Variants in SYNE1 observed in about 807,000 individuals in gnomAD.
The protein encoded by SYNE1 is nesprin-1.
In SYNE1, 616 loss-of-function variants were observed where a neutral mutation model predicts 1,111.0. That is an observed-to-expected ratio of 0.55 (90% confidence interval 0.52 to 0.59). The LOEUF (loss-of-function observed/expected upper bound fraction) is 0.59, where lower values mean the gene tolerates loss of function less well. Ranked by LOEUF, SYNE1 falls within the 20% of genes least tolerant of loss-of-function variation. The pLI is 0.00. For missense variants in SYNE1, 10,006 were observed against 10,417.0 expected, an observed-to-expected ratio of 0.96 and a Z score of 1.72; for synonymous variants, 3,855 against 3,825.8, an observed-to-expected ratio of 1.01 and a Z score of -0.28.
intron 131 of SYNE1, among the ~76,000 whole-genome samples, chr6:152,161,888 G>C (rs1283645093): frequency 6.6e-6 from 1 of 152,138 alleles, no homozygotes; most frequent in African/African-American, 2.4e-5. Flanking sequence ...TGTAAGCCTG[G>C]GTACTGACAT....
At chr6:152,438,212 A>G (rs937908491) in intron 32 of SYNE1, among the ~76,000 whole-genome samples, 1 of 152,216 alleles carries the variant, frequency 6.6e-6, no homozygotes, top group African/African-American at 2.4e-5. Context: ...GGTAGATTCA[A>G]TTGTGGAGAT....
intron 128 of SYNE1, among the ~76,000 whole-genome samples, chr6:152,188,408 T>C (rs2070881572): frequency 6.6e-6 from 1 of 152,132 alleles, no homozygotes; most frequent in South Asian, 2.1e-4. Context: ...TCAAAGTCAA[T>C]CTGGGATATT....
At chr6:152,556,310 A>G (rs1185513497) in intron 3 of SYNE1, among the ~76,000 whole-genome samples, 1 of 152,216 alleles carries the variant, frequency 6.6e-6, no homozygotes, top group Non-Finnish European at 1.5e-5. Context: ...CCTGTACTGC[A>G]TACCATGGAG....
At position 152,323,579 on chromosome 6, in the gene SYNE1, C is replaced by A. The variant is rs762050069; in HGVS notation, c.15816G>T (p.Arg5272=). The A allele has an allele frequency of 5.1e-5, 82 of 1,614,240 alleles. No individual in the cohort carries two copies. The South Asian group carries it at 9.0e-4, about 18-fold the overall frequency. The part of the protein sequence containing the change: ...EQQQSALGML[R]QQTLSMLQDG... Reference sequence around the variant, plus strand: ...CCTGGAGCATGCTCAGGGTTTGCTGCCGCAGCATGCCCAAGGCCGACTGCT... The same window carrying A: ...CCTGGAGCATGCTCAGGGTTTGCTGACGCAGCATGCCCAAGGCCGACTGCT... The change falls in exon 82 of 146, where the codon CGG becomes CGT. Residue 5272 remains arginine (R), a synonymous_variant. Transcript: ENST00000367255.
intron 52 of SYNE1, 67 bp downstream of exon 52, chr6:152,391,210 A>G: frequency 6.2e-7 from 1 of 1,605,498 alleles, no homozygotes. Context: ...GACACAACAC[A>G]AGCACTTGTG....
intron 119 of SYNE1, among the ~76,000 whole-genome samples, chr6:152,219,525 T>C (rs1052959341): frequency 6.8e-6 from 1 of 146,316 alleles, no homozygotes; most frequent in African/African-American, 2.5e-5. Context: ...GACCCAAGAG[T>C]AGAGCCAATA....
At chr6:152,242,903 G>GA (rs1181835123) in intron 106 of SYNE1, among the ~76,000 whole-genome samples, 2 of 151,918 alleles carry the variant, frequency 1.3e-5, no homozygotes, top group African/African-American at 4.8e-5. Flanking sequence ...ACTCTTTGAA[G>GA]AAAAATAAAG....
chr6:152,549,371 T>C (rs570271606), intron 3 of SYNE1, among the ~76,000 whole-genome samples: 2 of 152,360 alleles, frequency 1.3e-5, no homozygotes, highest in African/African-American at 4.8e-5. Context: ...TGAATTCTGA[T>C]TGGCTTAAGC....
At chr6:152,631,391 G>A (rs1377079275) in intron 2 of SYNE1, among the ~76,000 whole-genome samples, 2 of 152,186 alleles carry the variant, frequency 1.3e-5, no homozygotes, top group African/African-American at 2.4e-5. Context: ...AGAGGGCGGA[G>A]AGTGAGGTGG....
At chr6:152,534,884 A>G (rs2099226546) in intron 4 of SYNE1, among the ~76,000 whole-genome samples, 1 of 152,240 alleles carries the variant, frequency 6.6e-6, no homozygotes, top group Non-Finnish European at 1.5e-5. Flanking sequence ...TGTTTTTAGA[A>G]AAAACATGGA....
At position 152,214,999 on chromosome 6, in the gene SYNE1, T is replaced by G; in HGVS notation, c.22253A>C (p.Tyr7418Ser). The G allele has an allele frequency of 1.2e-6, 2 of 1,614,178 alleles. No individual in the cohort carries two copies. Among genetic ancestry groups the G allele is most frequent in the Non-Finnish European group, 1.7e-6 (2 of 1,180,008 alleles). ...TTCCTTATCATTCAAGGGTAACCTA[T>G]ATCCAAGCTCATTTAGACGGTCTAA... Reference protein sequence around the residue: ...PDLDRLNELGYRLPLNDKEIK... With the variant: ...PDLDRLNELGSRLPLNDKEIK... Residue 7418 changes from tyrosine (Y) to serine (S), a missense_variant, in exon 122 of 146, where the codon TAT (tyrosine) becomes TCT (serine). Tyr to Ser is a moderately radical substitution (Grantham distance 144, BLOSUM62 -2). Around this residue, in one of 7 missense-constraint regions of SYNE1, gnomAD observed 2,182 missense variants for 2,287.8 expected, o/e 0.95. Transcript: ENST00000367255.
chr6:152,430,335 A>G (rs1275281694), intron 35 of SYNE1, 125 bp from the exon 36 acceptor site: 1 of 1,128,960 alleles, frequency 8.9e-7, no homozygotes, highest in East Asian at 2.5e-5. Flanking sequence ...TATAAAATGC[A>G]TTCTTTAAAC....
At chr6:152,301,844 C>A in intron 92 of SYNE1, 25 bp downstream of exon 92, 1 of 1,588,942 alleles carries the variant, frequency 6.3e-7, no homozygotes, top group Non-Finnish European at 8.6e-7. Context: ...AAGAGCAAAG[C>A]CGCGGGGACC....
rs376775595 is a variant in SYNE1, at chr6:152,462,693, C to G, written c.2250+45G>C. The G allele has an allele frequency of 1.4e-5, 22 of 1,612,542 alleles. No homozygotes were observed. The African/African-American group carries it at 2.7e-4, about 20-fold the overall frequency. ...CTGAATAAACTTGCTGATCTTTCCT[C>G]TCACAACAGAGTAGGCTTTTCATTT... On this transcript the variant is annotated intron_variant, in intron 20 of 145. Coordinates refer to ENST00000367255, the MANE Select transcript of SYNE1 (RefSeq NM_182961.4).
Position 152,489,850 on chromosome 6 carries a change from G to A in SYNE1, c.940-1347C>T, listed in dbSNP as rs184043401. Among the ~76,000 whole-genome samples the A allele has an allele frequency of 1.9e-3, 286 of 152,190 alleles. 1 individual carries two copies. Among genetic ancestry groups the A allele is most frequent in the Non-Finnish European group, 2.8e-3 (190 of 68,016 alleles). ...GGCTTATAAAAACACAAATTGCTGGGCACCACCCCCAGAGTTTCTGGCTGA... is the reference window on the plus strand; with the variant it reads ...GGCTTATAAAAACACAAATTGCTGGACACCACCCCCAGAGTTTCTGGCTGA... On this transcript the variant is annotated intron_variant, in intron 11 of 145. Transcript: ENST00000367255.
intron 49 of SYNE1, among the ~76,000 whole-genome samples, chr6:152,397,314 G>A (rs2097750633): frequency 6.6e-6 from 1 of 152,146 alleles, no homozygotes; most frequent in Admixed American, 6.5e-5. Flanking sequence ...TCCTCTACCT[G>A]GTTAGCTGCC....
chr6:152,277,747 C>T (rs905490772), intron 98 of SYNE1: 3 of 346,018 alleles, frequency 8.7e-6, no homozygotes, highest in Non-Finnish European at 5.5e-6. Flanking sequence ...TATAGCTTAT[C>T]TCATTCCTCT....
chr6:152,535,276 T>G (rs538205793), intron 4 of SYNE1, among the ~76,000 whole-genome samples: 2 of 152,338 alleles, frequency 1.3e-5, no homozygotes, highest in South Asian at 4.1e-4. Flanking sequence ...CCACCCAGTA[T>G]GTGGTACTTT....
At chr6:152,292,432 G>A (rs371539718) in intron 95 of SYNE1, among the ~76,000 whole-genome samples, 168 of 152,228 alleles carry the variant, frequency 1.1e-3, no homozygotes, top group African/African-American at 3.1e-3. Context: ...AAAAATGGAC[G>A]CTATGCACTT....
Sources: allele counts gnomAD v4.1 joint callset (sites outside exome capture counted in the v4.1 genomes callset), GRCh38; gene constraint gnomAD v4.1.1; regional missense constraint gnomAD v4.1.1; transcripts MANE v1.5; gene names NCBI Gene and HGNC (gene_info 2026-07-23, HGNC 2026-07-21).